The following FTO variants were observed in gnomAD, a reference collection of about 807,000 sequenced individuals.
FTO encodes the protein FTO alpha-ketoglutarate dependent dioxygenase.
Under a neutral mutation model 63.9 loss-of-function variants are expected in FTO, and 47 were observed. The observed-to-expected ratio is 0.74, with a 90% CI of 0.58 to 0.94. The LOEUF (loss-of-function observed/expected upper bound fraction) is 0.94. Among genes scored for constraint, FTO ranks in the 40% least tolerant of loss-of-function variants. The probability of loss-of-function intolerance (pLI) is 0.00; values close to 1 mark genes in which losing one functional copy is unlikely to be tolerated. For missense variants in FTO, 562 were observed against 618.1 expected (o/e 0.91, Z 0.96); for synonymous variants, 207 against 224.4 (o/e 0.92, Z 0.69).
At chr16:54,078,107 G>A (rs1211412028) in intron 8 of FTO, among the ~76,000 whole-genome samples, 2 of 151,950 alleles carry the variant, frequency 1.3e-5, no homozygotes, top group African/African-American at 4.8e-5. Context: ...ACCATCAGTT[G>A]TGATCAATGT....
intron 7 of FTO, among the ~76,000 whole-genome samples, chr16:53,925,963 T>A (rs1297831174): frequency 6.6e-6 from 1 of 152,176 alleles, no homozygotes; most frequent in Non-Finnish European, 1.5e-5. Flanking sequence ...TCTCTGTCTC[T>A]CTCTGGCTGT....
intron 8 of FTO, among the ~76,000 whole-genome samples, chr16:54,082,222 C>T (rs1403165082): frequency 6.6e-6 from 1 of 152,140 alleles, no homozygotes; most frequent in East Asian, 1.9e-4. Context: ...CCAAACTTTC[C>T]AGTTCCCTCC....
intron 7 of FTO, among the ~76,000 whole-genome samples, chr16:53,930,510 A>T (rs2082256294): frequency 6.6e-6 from 1 of 152,044 alleles, no homozygotes; most frequent in South Asian, 2.1e-4. Flanking sequence ...GGCCTGAGCC[A>T]CCGCGCCAGG....
chr16:54,025,449 G>T (rs1448781765), intron 8 of FTO, among the ~76,000 whole-genome samples: 4 of 152,228 alleles, frequency 2.6e-5, no homozygotes, highest in Admixed American at 2.6e-4. Context: ...TTGGCCAGGT[G>T]TGGTGGCTCA....
chr16:54,003,792 T>A (rs1343003597), intron 8 of FTO, among the ~76,000 whole-genome samples: 1 of 152,230 alleles, frequency 6.6e-6, no homozygotes, highest in Non-Finnish European at 1.5e-5. Context: ...TAAAAAAAGA[T>A]CTTAAGTTGT....
At chr16:53,704,310 C>A in intron 1 of FTO, 81 bp downstream of exon 1, 1 of 1,366,784 alleles carries the variant, frequency 7.3e-7, no homozygotes, top group South Asian at 1.2e-5. Context: ...GGTTTGATGG[C>A]GAGCGGATGC....
In FTO at chr16:54,119,032, A is replaced by G. The variant is rs1393422056; in HGVS notation, c.*7117A>G. The G allele has an allele frequency of 3.3e-5, 5 of 152,226 alleles. No homozygotes were observed. Among genetic ancestry groups the G allele is most frequent in the Admixed American group, 2.6e-4 (4 of 15,284 alleles). 9.4% of individuals were successfully genotyped at this position (152,226 alleles called of 1,614,324 possible). ...CAGTCTATGGCTCACTCTTAAAGCC[A>G]CAGCAGGCTGCCAGGGCTTGGAGAA... On this transcript the variant is annotated 3_prime_UTR_variant, in exon 9 of 9. Transcript: ENST00000471389.
At chr16:54,103,211 T>C (rs1227525321) in intron 8 of FTO, among the ~76,000 whole-genome samples, 1 of 152,160 alleles carries the variant, frequency 6.6e-6, no homozygotes, top group Non-Finnish European at 1.5e-5. Context: ...TGAATGGCGT[T>C]ATGTTGGTAT....
intron 8 of FTO, among the ~76,000 whole-genome samples, chr16:54,004,713 G>A (rs576127196): frequency 5.3e-5 from 8 of 152,060 alleles, no homozygotes; most frequent in Non-Finnish European, 8.8e-5. Flanking sequence ...CCTCTTTCTT[G>A]GTTTTGATAT....
chr16:53,963,940 A>G (rs978598557), intron 8 of FTO, among the ~76,000 whole-genome samples: 1 of 152,160 alleles, frequency 6.6e-6, no homozygotes, highest in African/African-American at 2.4e-5. Flanking sequence ...TTTAGTAGAG[A>G]CAGGGTTTCA....
chr16:53,790,244 C>G (rs968919519), intron 1 of FTO, among the ~76,000 whole-genome samples: 16 of 151,776 alleles, frequency 1.1e-4, no homozygotes, highest in African/African-American at 3.9e-4. Flanking sequence ...TTCCAGCAGC[C>G]CATACTGAAA....
intron 4 of FTO, among the ~76,000 whole-genome samples, chr16:53,849,616 T>C (rs2079728413): frequency 6.6e-6 from 1 of 152,240 alleles, no homozygotes; most frequent in South Asian, 2.1e-4. Context: ...TTTTAGAGCC[T>C]GGCCAGTAGT....
In FTO at chr16:54,121,429, A is replaced by C. The variant is rs1188366870; in HGVS notation, c.*9514A>C. ...GGAGGAAAATGGAGCCAGGAGCAAA[A>C]CCTAAGGCTATTTCTGAACTAAAGA... On this transcript the variant is annotated 3_prime_UTR_variant, in exon 9 of 9. Coordinates refer to ENST00000471389, the MANE Select transcript of FTO (RefSeq NM_001080432.3). 1 of 152,208 alleles carries C rather than the reference A, an allele frequency of 6.6e-6. No homozygotes were observed. The highest frequency in any genetic ancestry group is 1.5e-5 in the Non-Finnish European group (1 of 68,046). The allele number at this position is 152,208 out of a possible 1,614,324, so 9.4% of individuals were successfully genotyped here. A position where few individuals can be genotyped will look rare whatever the true frequency, so the allele number is the denominator to read the frequency against.
intron 8 of FTO, among the ~76,000 whole-genome samples, chr16:53,984,484 A>C (rs1203567631): frequency 6.6e-6 from 1 of 151,548 alleles, no homozygotes; most frequent in African/African-American, 2.4e-5. Flanking sequence ...ACGATACCTG[A>C]CTACTTTGTA....
chr16:53,826,668 C>G (rs992456755), intron 3 of FTO, among the ~76,000 whole-genome samples, 177 bp downstream of exon 3: 7 of 152,198 alleles, frequency 4.6e-5, no homozygotes, highest in Admixed American at 4.6e-4. Context: ...ACCTGTATGT[C>G]TGCAGAATAT....
At chr16:53,757,798 C>T (rs185627643) in intron 1 of FTO, among the ~76,000 whole-genome samples, 9 of 151,916 alleles carry the variant, frequency 5.9e-5, no homozygotes, top group African/African-American at 2.2e-4. Context: ...TCTCTCTGTC[C>T]ATCTTATGCA....
At chr16:53,986,417 G>A (rs924828805) in intron 8 of FTO, among the ~76,000 whole-genome samples, 3 of 152,114 alleles carry the variant, frequency 2.0e-5, no homozygotes, top group Admixed American at 1.3e-4. Flanking sequence ...ATGTGTCCCC[G>A]CCACTTTGCA....
intron 8 of FTO, among the ~76,000 whole-genome samples, chr16:54,032,167 G>C (rs1185319374): frequency 6.6e-6 from 1 of 152,200 alleles, no homozygotes; most frequent in African/African-American, 2.4e-5. Context: ...GCAAAGGGAT[G>C]TACCTAGAGA....
intron 5 of FTO, 120 bp from the exon 6 acceptor site, chr16:53,879,724 C>G (rs16952616): frequency 0.062 from 48,844 of 793,034 alleles, 2,361 homozygotes; most frequent in African/African-American, 0.19. Context: ...GGAGTATAGA[C>G]TGAGCCATGG....
Sources: allele counts gnomAD v4.1 joint callset (sites outside exome capture counted in the v4.1 genomes callset), GRCh38; gene constraint gnomAD v4.1.1; transcripts MANE v1.5; gene names NCBI Gene and HGNC (gene_info 2026-07-23, HGNC 2026-07-21).